The following VPS33A variants were observed in gnomAD, a reference collection of about 807,000 sequenced individuals.
The protein encoded by VPS33A is vacuolar protein sorting-associated protein 33A.
In VPS33A, 32 loss-of-function variants were observed where a neutral mutation model predicts 71.8. That is an observed-to-expected ratio of 0.45 (90% CI 0.34 to 0.60). The LOEUF is 0.60. Among genes scored for constraint, VPS33A ranks in the 20% least tolerant of loss-of-function variants. The pLI, the probability that VPS33A is intolerant of heterozygous loss-of-function variation, is 0.02. For missense variants in VPS33A, 625 were observed against 748.5 expected, an observed-to-expected ratio of 0.84 and a Z score of 1.92; for synonymous variants, 311 against 292.7, an observed-to-expected ratio of 1.06 and a Z score of -0.64.
At chr12:122,241,604 C>CT (rs886340258) in intron 8 of VPS33A, among the ~76,000 whole-genome samples, 86 of 144,016 alleles carry the variant, frequency 6.0e-4, no homozygotes, top group East Asian at 1.0e-3. Context: ...CTCGCCCAGT[C>CT]TTTTTTTTTT....
At position 122,242,485 on chromosome 12, in the gene VPS33A, C is replaced by G; in HGVS notation, c.993G>C (p.Val331=). The part of the protein sequence containing the change: ...AFEERHNAKT[V]GEIKQFVSQL... Reference sequence around the variant, plus strand: ...GGGAAACAAACTGCTTGATCTCCCCCACGGTCTTAGCATTGTGTCTTTCCT... The same window carrying G: ...GGGAAACAAACTGCTTGATCTCCCCGACGGTCTTAGCATTGTGTCTTTCCT... The change falls in exon 8 of 13, where the codon GTG becomes GTC. Residue 331 remains valine (V), a synonymous_variant. Coordinates refer to ENST00000267199, the MANE Select transcript of VPS33A (RefSeq NM_022916.6). 1 of 1,614,064 alleles carries G rather than the reference C, an allele frequency of 6.2e-7. No individual in the cohort carries two copies.
At chr12:122,244,078 G>A (rs1468757607) in intron 7 of VPS33A, among the ~76,000 whole-genome samples, 1 of 152,154 alleles carries the variant, frequency 6.6e-6, no homozygotes, top group African/African-American at 2.4e-5. Flanking sequence ...GCAAGAGGAG[G>A]CAGGAAGGTG....
intron 4 of VPS33A, among the ~76,000 whole-genome samples, chr12:122,252,246 G>C (rs1324710941): frequency 1.3e-5 from 2 of 152,038 alleles, no homozygotes; most frequent in East Asian, 3.9e-4. Context: ...AACAGAGCAA[G>C]ACCCCATCTC....
intron 12 of VPS33A, 151 bp downstream of exon 12, chr12:122,232,649 C>T (rs750055482): frequency 5.4e-6 from 6 of 1,105,486 alleles, no homozygotes; most frequent in South Asian, 1.7e-5. Flanking sequence ...TAATCCGATT[C>T]GAGTTCTTAC....
intron 8 of VPS33A, among the ~76,000 whole-genome samples, chr12:122,241,956 G>C (rs1293193727): frequency 6.6e-6 from 1 of 151,978 alleles, no homozygotes; most frequent in African/African-American, 2.4e-5. Flanking sequence ...CACCCAGGCT[G>C]GAGTGCAGTG....
Position 122,266,318 on chromosome 12 carries a change from C to T in VPS33A, c.91G>A (p.Ala31Thr), listed in dbSNP as rs1382624225. The change falls in exon 1 of 13, where the codon GCA becomes ACA. Residue 31 changes from alanine to threonine, a missense_variant. By Grantham distance (58) the Ala-to-Thr change is moderately conservative. Coordinates refer to ENST00000267199, the MANE Select transcript of VPS33A (RefSeq NM_022916.6). The stretch of plus-strand genomic sequence containing the variant: ...CTCCCGCCCCTCACCTTGCTTCCTG[C>T]GCACTTGTCCAGGAACTCGCGCAGC... ...RELREFLDKC[A>T]GSKAIVWDEY... 6.2e-7 allele frequency: 1 copy of T among 1,612,144 alleles called. No individual in the cohort carries two copies. The highest frequency in any genetic ancestry group is 1.1e-5 in the South Asian group (1 of 91,076).
intron 4 of VPS33A, among the ~76,000 whole-genome samples, chr12:122,259,807 A>T (rs1352261269): frequency 4.6e-5 from 7 of 152,028 alleles, no homozygotes; most frequent in Admixed American, 3.9e-4. Flanking sequence ...AAATCTCCAG[A>T]ATAAGTTCAA....
Position 122,242,614 on chromosome 12 carries a change from G to A in VPS33A, c.970-106C>T, listed in dbSNP as rs61954368. 0.059 allele frequency: 79,437 copies of A among 1,356,798 alleles called. 2,710 individuals carry two copies. Among genetic ancestry groups the A allele is most frequent in the Middle Eastern group, 0.12 (438 of 3,722 alleles). The allele number at this position is 1,356,798 out of a possible 1,614,324, so 84.0% of individuals were successfully genotyped here. On this transcript the variant is annotated intron_variant, in intron 7 of 12. Coordinates refer to ENST00000267199, the MANE Select transcript of VPS33A (RefSeq NM_022916.6). Reference sequence around the variant, plus strand: ...GTTGCCCAGGCTGGAGTGCAGTGGCGCAATCTCGGCTCACTGCAACCTCCG... The same window carrying A: ...GTTGCCCAGGCTGGAGTGCAGTGGCACAATCTCGGCTCACTGCAACCTCCG...
At chr12:122,235,114 C>T (rs746284486) in intron 11 of VPS33A, among the ~76,000 whole-genome samples, 4 of 151,950 alleles carry the variant, frequency 2.6e-5, no homozygotes, top group Non-Finnish European at 5.9e-5. Context: ...GGACTAAAGG[C>T]TCATACTACC....
At chr12:122,246,504 G>A (rs758021100) in intron 6 of VPS33A, among the ~76,000 whole-genome samples, 1 of 151,992 alleles carries the variant, frequency 6.6e-6, no homozygotes, top group Non-Finnish European at 1.5e-5. Context: ...TCACCATGTT[G>A]GCCAGGCTGG....
chr12:122,243,504 G>C (rs1295874458), intron 7 of VPS33A, among the ~76,000 whole-genome samples: 2 of 152,262 alleles, frequency 1.3e-5, no homozygotes, highest in Non-Finnish European at 2.9e-5. Flanking sequence ...CTCCGACAGT[G>C]CCGGGATGAC....
rs750798693 is a variant in VPS33A, at chr12:122,232,860, T to G, written c.1549A>C (p.Ile517Leu). Residue 517 changes from isoleucine to leucine, a missense_variant, in exon 12 of 13, where the codon ATC (isoleucine) becomes CTC (leucine). Transcript: ENST00000267199. ...GWRSIEEVLR[I>L]LPGPHFEERQ... ...TCCTCAAAGTGGGGCCCTGGGAGGA[T>G]GCGGAGGACCTCCTCGATGCTCCGC... 96 of 1,614,028 alleles carry G rather than the reference T, an allele frequency of 5.9e-5. No homozygotes were observed. The highest frequency in any genetic ancestry group is 8.0e-5 in the Non-Finnish European group (94 of 1,180,026).
chr12:122,239,453 T>C (rs1304794945), intron 9 of VPS33A, among the ~76,000 whole-genome samples: 2 of 151,952 alleles, frequency 1.3e-5, no homozygotes, highest in Non-Finnish European at 2.9e-5. Flanking sequence ...AATATTTAAG[T>C]GGCCGGGCGC....
At chr12:122,245,992 C>A (rs1329657280) in intron 6 of VPS33A, among the ~76,000 whole-genome samples, 1 of 152,200 alleles carries the variant, frequency 6.6e-6, no homozygotes, top group African/African-American at 2.4e-5. Context: ...GCGAAGTAGC[C>A]TTAATCTCCT....
chr12:122,244,322 T>A (rs1171226201), intron 7 of VPS33A, among the ~76,000 whole-genome samples: 1 of 152,236 alleles, frequency 6.6e-6, no homozygotes, highest in Non-Finnish European at 1.5e-5. Flanking sequence ...TGGAAGTCTG[T>A]AAACTGCACA....
At chr12:122,256,487 T>C (rs1954920720) in intron 4 of VPS33A, among the ~76,000 whole-genome samples, 2 of 151,896 alleles carry the variant, frequency 1.3e-5, no homozygotes, top group African/African-American at 4.8e-5. Context: ...GACGGGAGAA[T>C]TGCTTGAACT....
chr12:122,230,575 G>C lies in VPS33A; in HGVS notation c.*1671C>G, dbSNP rs1169206324. 6.6e-6 allele frequency: 1 copy of C among 152,210 alleles called. No individual in the cohort carries two copies. Among genetic ancestry groups the C allele is most frequent in the Non-Finnish European group, 1.5e-5 (1 of 68,050 alleles). 9.4% of individuals were successfully genotyped at this position (152,210 alleles called of 1,614,324 possible). A position where few individuals can be genotyped will look rare whatever the true frequency, so the allele number is the denominator to read the frequency against. On this transcript the variant is annotated 3_prime_UTR_variant, in exon 13 of 13. Transcript: ENST00000267199. Reference sequence around the variant, plus strand: ...CAGTCTGAAAAGAGCGTGAGACTCTGTCTCAAACAAACAAAAACAAAACAA... The same window carrying C: ...CAGTCTGAAAAGAGCGTGAGACTCTCTCTCAAACAAACAAAAACAAAACAA...
intron 1 of VPS33A, among the ~76,000 whole-genome samples, chr12:122,265,446 G>A (rs1015025586): frequency 1.3e-5 from 2 of 152,074 alleles, no homozygotes; most frequent in African/African-American, 2.4e-5. Flanking sequence ...TTAGTTAAAA[G>A]AAATAATACA....
intron 6 of VPS33A, among the ~76,000 whole-genome samples, chr12:122,247,130 G>A (rs1954787118): frequency 1.3e-5 from 2 of 152,132 alleles, no homozygotes; most frequent in Non-Finnish European, 2.9e-5. Flanking sequence ...TAAGGTTGGA[G>A]GATAATAACG....
Sources: allele counts gnomAD v4.1 joint callset (sites outside exome capture counted in the v4.1 genomes callset), GRCh38; gene constraint gnomAD v4.1.1; transcripts MANE v1.5; gene names NCBI Gene and HGNC (gene_info 2026-07-23, HGNC 2026-07-21).